Variants in CYP39A1 observed in about 807,000 individuals in gnomAD.
The protein encoded by CYP39A1 is 24-hydroxycholesterol 7-alpha-hydroxylase.
CYP39A1 carries 49 observed loss-of-function variants against 58.1 expected under a neutral mutation model. The observed-to-expected ratio is 0.84, with a 90% CI of 0.67 to 1.07. The LOEUF is 1.07. CYP39A1 is among the 50% of genes least tolerant of loss of function. CYP39A1 has a pLI of 0.00. For synonymous variants in CYP39A1, 209 were observed against 187.6 expected, an observed-to-expected ratio of 1.11 and a Z score of -0.93; for missense variants, 531 against 539.4, an observed-to-expected ratio of 0.98 and a Z score of 0.16.
intron 10 of CYP39A1, among the ~76,000 whole-genome samples, chr6:46,571,644 G>T (rs1211133571): frequency 6.6e-6 from 1 of 151,014 alleles, no homozygotes; most frequent in African/African-American, 2.4e-5. Flanking sequence ...ATATATAGCT[G>T]GGTATTGTTT....
At chr6:46,587,011 T>C in intron 10 of CYP39A1, 66 bp downstream of exon 10, 1 of 1,091,618 alleles carries the variant, frequency 9.2e-7, no homozygotes, top group Admixed American at 2.1e-5. Flanking sequence ...GCCAAAGTTG[T>C]TCCCCTCTGA....
At chr6:46,561,942 G>A (rs1770999886) in intron 10 of CYP39A1, among the ~76,000 whole-genome samples, 1 of 152,176 alleles carries the variant, frequency 6.6e-6, no homozygotes, top group Non-Finnish European at 1.5e-5. Context: ...CAGTTAGACA[G>A]GAGGAATAAG....
chr6:46,568,596 C>G (rs568508922), intron 10 of CYP39A1, among the ~76,000 whole-genome samples: 2 of 152,154 alleles, frequency 1.3e-5, no homozygotes, highest in South Asian at 4.1e-4. Flanking sequence ...CAACTTCATT[C>G]TTTTGCATGT....
chr6:46,623,728 G>A (rs1649677177), intron 7 of CYP39A1, among the ~76,000 whole-genome samples: 1 of 152,006 alleles, frequency 6.6e-6, no homozygotes, highest in African/African-American at 2.4e-5. Context: ...TTCCTTGACA[G>A]AATCCTTTGT....
rs562513665 is a variant in CYP39A1, at chr6:46,580,945, T to G, written c.1250+6132A>C. 2.0e-5 allele frequency among the ~76,000 whole-genome samples: 3 copies of G among 152,280 alleles called. No individual in the cohort carries two copies. In the East Asian group the frequency reaches 5.8e-4, roughly 29 times the overall value. On this transcript the variant is annotated intron_variant, in intron 10 of 11. Transcript: ENST00000275016. ...TCACTATAAAAAGCAGTTCGGAGAT[T>G]TCTCAAAGAACTTAGAACTACCATT...
intron 10 of CYP39A1, among the ~76,000 whole-genome samples, chr6:46,557,693 T>G (rs1200437230): frequency 6.7e-6 from 1 of 148,750 alleles, no homozygotes; most frequent in Admixed American, 6.7e-5. Flanking sequence ...AATCCCAGTA[T>G]TTTGGGAGGC....
At chr6:46,649,096 G>A (rs1362420428) in intron 1 of CYP39A1, among the ~76,000 whole-genome samples, 1 of 152,164 alleles carries the variant, frequency 6.6e-6, no homozygotes, top group Non-Finnish European at 1.5e-5. Context: ...CTAAAGATTG[G>A]GTTCTAGCCA....
rs907698482 is a variant in CYP39A1, at chr6:46,644,627, T to G, written c.178-2329A>C. Among the ~76,000 whole-genome samples, 4 of 152,218 alleles carry G rather than the reference T, an allele frequency of 2.6e-5. No homozygotes were observed. In the South Asian group the frequency reaches 8.3e-4, roughly 32 times the overall value. On this transcript the variant is annotated intron_variant, in intron 1 of 11. Coordinates refer to ENST00000275016, the MANE Select transcript of CYP39A1 (RefSeq NM_016593.5). ...ATAAACATCCATATCTGGGTTTTTA[T>G]GTAAACATTAAGTTTCTCTGTGATA...
chr6:46,623,233 G>A (rs1363204080), intron 7 of CYP39A1, among the ~76,000 whole-genome samples: 2 of 152,168 alleles, frequency 1.3e-5, no homozygotes, highest in Non-Finnish European at 2.9e-5. Flanking sequence ...GGGTGTGTCT[G>A]TGAGGGTATT....
At chr6:46,612,398 T>C (rs939349679) in intron 7 of CYP39A1, among the ~76,000 whole-genome samples, 9 of 152,348 alleles carry the variant, frequency 5.9e-5, no homozygotes, top group Admixed American at 2.0e-4. Context: ...GCCAAGGGAA[T>C]AAGAAGATAG....
chr6:46,584,390 G>C (rs1772334151), intron 10 of CYP39A1, among the ~76,000 whole-genome samples: 1 of 151,996 alleles, frequency 6.6e-6, no homozygotes, highest in Non-Finnish European at 1.5e-5. Context: ...CCTGATTTCT[G>C]TATTTCCACC....
At chr6:46,635,964 T>A (rs904847491) in intron 5 of CYP39A1, among the ~76,000 whole-genome samples, 3 of 152,164 alleles carry the variant, frequency 2.0e-5, no homozygotes, top group African/African-American at 7.2e-5. Context: ...AGGGCACAGG[T>A]TCCTAGTGCC....
chr6:46,635,462 G>A (rs1775926307), intron 5 of CYP39A1, among the ~76,000 whole-genome samples: 1 of 152,180 alleles, frequency 6.6e-6, no homozygotes, highest in Non-Finnish European at 1.5e-5. Context: ...ATTCTAATGA[G>A]AGGCAGAGGT....
chr6:46,564,123 TTATTCTATTTTATTCTATTC>T, intron 10 of CYP39A1, among the ~76,000 whole-genome samples: 1 of 118,152 alleles, frequency 8.5e-6, no homozygotes, highest in African/African-American at 6.0e-5. Flanking sequence ...TTATTCTATT[TTATTCTATTTTATTCTATTC>T]TATTTTATTC....
intron 10 of CYP39A1, among the ~76,000 whole-genome samples, chr6:46,554,436 A>G (rs1411593950): frequency 6.6e-6 from 1 of 152,108 alleles, no homozygotes; most frequent in African/African-American, 2.4e-5. Flanking sequence ...GGACCTCTAA[A>G]TCCACTTTTC....
intron 7 of CYP39A1, among the ~76,000 whole-genome samples, chr6:46,610,515 T>C (rs1774147974): frequency 6.6e-6 from 1 of 152,068 alleles, no homozygotes; most frequent in African/African-American, 2.4e-5. Context: ...CTAAATTTTA[T>C]TTTTTAATTT....
At chr6:46,568,261 G>T (rs929445337) in intron 10 of CYP39A1, among the ~76,000 whole-genome samples, 1 of 151,950 alleles carries the variant, frequency 6.6e-6, no homozygotes, top group South Asian at 2.1e-4. Flanking sequence ...TTATTTTGTT[G>T]TTGAGTTTTA....
intron 1 of CYP39A1, among the ~76,000 whole-genome samples, chr6:46,648,095 A>T (rs1040783725): frequency 2.0e-5 from 3 of 152,142 alleles, no homozygotes; most frequent in Admixed American, 2.0e-4. Context: ...ATTGTGGAAG[A>T]CAGTGTGGTG....
chr6:46,616,462 C>T (rs1774615450), intron 7 of CYP39A1, among the ~76,000 whole-genome samples: 1 of 151,492 alleles, frequency 6.6e-6, no homozygotes, highest in Admixed American at 6.6e-5. Context: ...TTATATTACC[C>T]AGGATGGTCT....
Sources: allele counts gnomAD v4.1 joint callset (sites outside exome capture counted in the v4.1 genomes callset), GRCh38; gene constraint gnomAD v4.1.1; transcripts MANE v1.5; gene names NCBI Gene and HGNC (gene_info 2026-07-23, HGNC 2026-07-21).